The following EPHX2 variants were observed in gnomAD, a reference collection of about 807,000 sequenced individuals.
EPHX2 encodes the protein epoxide hydrolase 2, also known as bifunctional epoxide hydrolase 2.
A neutral mutation model predicts 78.7 loss-of-function variants in EPHX2; 74 were observed. That is an observed-to-expected ratio of 0.94 (90% CI 0.78 to 1.14). The LOEUF (loss-of-function observed/expected upper bound fraction) is 1.14, where lower values mean the gene tolerates loss of function less well. Ranked by LOEUF, EPHX2 falls within the 50% of genes most tolerant of loss-of-function variation. EPHX2 has a pLI of 0.00. For synonymous variants in EPHX2, 251 were observed against 255.2 expected (o/e 0.98, Z 0.16); for missense variants, 715 against 702.5 (o/e 1.02, Z -0.20).
At chr8:27,502,674 A>G (rs990966986) in intron 2 of EPHX2, among the ~76,000 whole-genome samples, 3 of 152,196 alleles carry the variant, frequency 2.0e-5, no homozygotes, top group East Asian at 1.9e-4. Context: ...GGGGAAAAAA[A>G]GCAAGTTCTT....
At chr8:27,515,926 C>T (rs1420675987) in intron 7 of EPHX2, 113 bp downstream of exon 7, 12 of 937,304 alleles carry the variant, frequency 1.3e-5, no homozygotes, top group Non-Finnish European at 1.8e-5. Context: ...GGAGCATTGT[C>T]TCCAAAGTGT....
At chr8:27,534,963 G>A (rs1354462137) in intron 12 of EPHX2, among the ~76,000 whole-genome samples, 1 of 152,200 alleles carries the variant, frequency 6.6e-6, no homozygotes, top group Non-Finnish European at 1.5e-5. Flanking sequence ...TGCTCTTGGT[G>A]AAGGTCACAA....
intron 1 of EPHX2, among the ~76,000 whole-genome samples, chr8:27,493,431 C>A (rs1813458985): frequency 6.6e-6 from 1 of 152,188 alleles, no homozygotes; most frequent in Admixed American, 6.5e-5. Flanking sequence ...GCCAAATAGT[C>A]TATTTGGGAT....
At chr8:27,518,461 G>T (rs1051008822) in intron 9 of EPHX2, among the ~76,000 whole-genome samples, 1 of 152,246 alleles carries the variant, frequency 6.6e-6, no homozygotes, top group Non-Finnish European at 1.5e-5. Flanking sequence ...TGTGCAGACT[G>T]TGACCAGCAT....
rs1451466181 is a variant in EPHX2, at chr8:27,545,403, G to A, written c.*881G>A. On this transcript the variant is annotated 3_prime_UTR_variant, in exon 19 of 19. Coordinates refer to ENST00000521400, the MANE Select transcript of EPHX2 (RefSeq NM_001979.6). Reference sequence around the variant, plus strand: ...CCATCTCACTGATGTGTCTCCTGCAGTGGTCTCTCCCCTGCCCTGCTTCCA... The same window carrying A: ...CCATCTCACTGATGTGTCTCCTGCAATGGTCTCTCCCCTGCCCTGCTTCCA... 1 of 152,204 alleles carries A rather than the reference G, an allele frequency of 6.6e-6. No homozygotes were observed. The highest frequency in any genetic ancestry group is 6.6e-5 in the Admixed American group (1 of 15,238). The allele number at this position is 152,204 out of a possible 1,614,324, so 9.4% of individuals were successfully genotyped here.
At chr8:27,542,151 C>T (rs954336040) in intron 16 of EPHX2, among the ~76,000 whole-genome samples, 3 of 152,150 alleles carry the variant, frequency 2.0e-5, no homozygotes, top group African/African-American at 7.2e-5. Context: ...CCATGGTTAC[C>T]TTGTTGGTTC....
At chr8:27,529,723 G>A (rs1247534551) in intron 12 of EPHX2, among the ~76,000 whole-genome samples, 1 of 151,962 alleles carries the variant, frequency 6.6e-6, no homozygotes, top group East Asian at 1.9e-4. Context: ...CACCAGCCTG[G>A]CCAACATGGT....
chr8:27,540,541 G>C lies in EPHX2; in HGVS notation c.1277-13G>C, dbSNP rs1815363837. On this transcript the variant is annotated splice_polypyrimidine_tract_variant and intron_variant, in intron 14 of 18. Coordinates refer to ENST00000521400, the MANE Select transcript of EPHX2 (RefSeq NM_001979.6). ...CCGGGGATGGGAAAGTCAACAAGTGGCTTTTTTTGCAGGAGGACTTTTTGT... is the reference window on the plus strand; with the variant it reads ...CCGGGGATGGGAAAGTCAACAAGTGCCTTTTTTTGCAGGAGGACTTTTTGT... 6.2e-7 allele frequency: 1 copy of C among 1,612,798 alleles called. No homozygotes were observed. Among genetic ancestry groups the C allele is most frequent in the African/African-American group, 1.3e-5 (1 of 74,906 alleles).
chr8:27,504,826 G>A, intron 3 of EPHX2, 130 bp from the exon 4 acceptor site: 2 of 891,456 alleles, frequency 2.2e-6, no homozygotes, highest in Non-Finnish European at 3.5e-6. Flanking sequence ...TCAGTTGAAA[G>A]TTGGGCATAA....
At chr8:27,544,132 G>A in intron 17 of EPHX2, 54 bp from the exon 18 acceptor site, 1 of 1,602,878 alleles carries the variant, frequency 6.2e-7, no homozygotes, top group Non-Finnish European at 8.5e-7. Context: ...ACTAGCTAGA[G>A]ACACACCCAT....
At chr8:27,523,030 CT>C (rs770979465) in intron 11 of EPHX2, among the ~76,000 whole-genome samples, 24 of 149,020 alleles carry the variant, frequency 1.6e-4, no homozygotes, top group Admixed American at 4.0e-4. Flanking sequence ...ACCTGTTCCA[CT>C]TACAGGCAAT....
chr8:27,500,180 C>T (rs1462175062), intron 1 of EPHX2, among the ~76,000 whole-genome samples: 1 of 152,076 alleles, frequency 6.6e-6, no homozygotes, highest in Non-Finnish European at 1.5e-5. Flanking sequence ...GGATTTCCTC[C>T]TTGCTGTTCT....
rs1435471960 is a variant in EPHX2 at position 27,503,721 on chromosome 8, A to C, written c.304A>C (p.Asn102His). Reference protein sequence around the residue: ...FDKAISARKINRPMLQAALML... With the variant: ...FDKAISARKIHRPMLQAALML... Reference sequence around the variant, plus strand: ...CAAGGCGATTTCAGCCAGAAAGATCAACCGCCCCATGCTCCAGGCAGCTCT... The same window carrying C: ...CAAGGCGATTTCAGCCAGAAAGATCCACCGCCCCATGCTCCAGGCAGCTCT... Residue 102 changes from asparagine to histidine, a missense_variant, in exon 3 of 19, where the codon AAC (asparagine) becomes CAC (histidine). Physicochemically the swap from Asn to His is moderately conservative, Grantham distance 68. Transcript: ENST00000521400. The C allele has an allele frequency of 6.2e-7, 1 of 1,613,542 alleles. No homozygotes were observed. Among genetic ancestry groups the C allele is most frequent in the Non-Finnish European group, 8.5e-7 (1 of 1,180,004 alleles).
chr8:27,522,334 G>A (rs1181295409), intron 10 of EPHX2, 89 bp from the exon 11 acceptor site: 2 of 1,263,452 alleles, frequency 1.6e-6, no homozygotes, highest in Admixed American at 1.9e-5. Flanking sequence ...GGAGACCCTG[G>A]TGTCGAGGGG....
At chr8:27,520,006 C>CTTTTCT (rs1554522393) in intron 9 of EPHX2, among the ~76,000 whole-genome samples, 5 of 141,234 alleles carry the variant, frequency 3.5e-5, no homozygotes, top group African/African-American at 1.3e-4. Context: ...CTTTTCTTTT[C>CTTTTCT]TTTTTTTTTT....
chr8:27,525,582 A>G, intron 12 of EPHX2, 109 bp downstream of exon 12: 1 of 995,110 alleles, frequency 1.0e-6, no homozygotes, highest in Non-Finnish European at 1.6e-6. Flanking sequence ...ATGTGGCATT[A>G]GTCAGAAATG....
At chr8:27,500,499 A>G (rs748299567) in intron 1 of EPHX2, among the ~76,000 whole-genome samples, 34 of 152,250 alleles carry the variant, frequency 2.2e-4, no homozygotes, top group Non-Finnish European at 4.0e-4. Flanking sequence ...GATAAAATAG[A>G]AACTAGAGAG....
intron 12 of EPHX2, among the ~76,000 whole-genome samples, chr8:27,529,898 A>G (rs995816680): frequency 6.6e-5 from 10 of 152,064 alleles, no homozygotes; most frequent in African/African-American, 2.2e-4. Flanking sequence ...GCAAAAAAAA[A>G]AAAAAGAAAA....
chr8:27,514,575 G>A (rs943800986), intron 6 of EPHX2, among the ~76,000 whole-genome samples: 18 of 152,210 alleles, frequency 1.2e-4, no homozygotes, highest in African/African-American at 4.1e-4. Context: ...CACACCAAGT[G>A]TATTTCTCGC....
Sources: gnomAD v4.1 joint callset for allele counts (sites outside exome capture counted in the v4.1 genomes callset) on GRCh38, gnomAD v4.1.1 for gene constraint, MANE v1.5 for transcripts, NCBI Gene and HGNC (gene_info 2026-07-23, HGNC 2026-07-21) for gene names.